Variants in NFIB observed in about 807,000 individuals in gnomAD.
NFIB encodes the protein nuclear factor 1 B-type.
NFIB carries 11 observed loss-of-function variants against 61.5 expected under a neutral mutation model. That is an observed-to-expected ratio of 0.18 (90% CI 0.11 to 0.30). The LOEUF is 0.30. Ranked by LOEUF, NFIB falls within the 10% of genes least tolerant of loss-of-function variation. NFIB has a pLI of 1.00. For synonymous variants in NFIB, 260 were observed against 216.5 expected (o/e 1.20, Z -1.76); for missense variants, 471 against 608.9 (o/e 0.77, Z 2.38).
At chr9:14,481,197 G>GTATATATATATATATATATATGTATA in the NFIB span, among the ~76,000 whole-genome samples, 8 of 45,844 alleles carry the variant, frequency 1.7e-4, no homozygotes, top group African/African-American at 7.5e-4. Flanking sequence ...GTGTGTGTGT[G>GTATATATATATATATATATATGTATA]TATATATATA....
chr9:14,188,045 G>A lies in NFIB; in HGVS notation c.563-8265C>T, dbSNP rs985348981. On this transcript the variant is annotated intron_variant, in intron 2 of 10. Coordinates refer to ENST00000380953, the MANE Select transcript of NFIB (RefSeq NM_001190737.2). Reference sequence around the variant, plus strand: ...CTTCCTACTGATCTAGGGATTGAGTGAACCAAAGGTCATAATCAGGATCAC... The same window carrying A: ...CTTCCTACTGATCTAGGGATTGAGTAAACCAAAGGTCATAATCAGGATCAC... Among the ~76,000 whole-genome samples the A allele has an allele frequency of 4.6e-5, 7 of 152,096 alleles. No individual in the cohort carries two copies. In the East Asian group the frequency reaches 1.3e-3, roughly 29 times the overall value.
At chr9:14,247,206 C>A (rs2055034933) in intron 2 of NFIB, among the ~76,000 whole-genome samples, 1 of 152,146 alleles carries the variant, frequency 6.6e-6, no homozygotes, top group Admixed American at 6.5e-5. Flanking sequence ...GGACTTATAC[C>A]ATAGTCAAGA....
chr9:14,216,546 C>CTCTGTG (rs2050942500), intron 2 of NFIB, among the ~76,000 whole-genome samples: 7 of 21,556 alleles, frequency 3.2e-4, no homozygotes, highest in East Asian at 2.2e-3. Context: ...CTCTCTCCCT[C>CTCTGTG]TGTGTGTGTG....
chr9:14,134,138 T>C (rs2040726756), intron 6 of NFIB, among the ~76,000 whole-genome samples: 2 of 152,204 alleles, frequency 1.3e-5, no homozygotes, highest in South Asian at 4.1e-4. Flanking sequence ...ATAAAGAATG[T>C]TCTATAAATT....
At chr9:14,128,378 T>C (rs909526649) in intron 6 of NFIB, among the ~76,000 whole-genome samples, 1 of 152,158 alleles carries the variant, frequency 6.6e-6, no homozygotes, top group Non-Finnish European at 1.5e-5. Context: ...ATAGAATAAA[T>C]AATAAAGCAT....
At chr9:14,231,133 AAAATATATATATATATATAT>A (rs1301321198) in intron 2 of NFIB, among the ~76,000 whole-genome samples, 1 of 67,212 alleles carries the variant, frequency 1.5e-5, no homozygotes, top group Admixed American at 1.7e-4. Flanking sequence ...AAAAAAAAAA[AAAATATATATATATATATAT>A]ATATATATAT....
intron 2 of NFIB, among the ~76,000 whole-genome samples, chr9:14,268,772 T>C (rs1460584993): frequency 2.0e-5 from 3 of 152,238 alleles, no homozygotes; most frequent in African/African-American, 7.2e-5. Context: ...CAGGGATTAC[T>C]TCATTGGTCT....
Position 14,381,073 on chromosome 9 carries a change from CAA to C in NFIB, c.108+17449_108+17450del, listed in dbSNP as rs34848529. On this transcript the variant is annotated intron_variant, in intron 1 of 8. Coordinates refer to the NFIB transcript ENST00000380934. ...TGGGCAACAGAGCGAGACTCCGTCT[CAA>C]AAAAAAAAAAAAAAAAAAAAAGATA... is the stretch of plus-strand genomic sequence containing the variant. 1.8e-3 allele frequency among the ~76,000 whole-genome samples: 152 copies of C among 82,536 alleles called. 1 individual carries two copies. The highest frequency in any genetic ancestry group is 3.4e-3 in the East Asian group (9 of 2,614). The allele number at this position is 82,536 out of a possible 152,430, so 54.1% of individuals were successfully genotyped here.
At chr9:14,471,693 T>A in the NFIB span, among the ~76,000 whole-genome samples, 1 of 152,226 alleles carries the variant, frequency 6.6e-6, no homozygotes, top group Non-Finnish European at 1.5e-5. Context: ...TAAGTCACCA[T>A]CTATTCTCTG....
chr9:14,100,041 C>A (rs117817954), intron 10 of NFIB, among the ~76,000 whole-genome samples: 606 of 152,050 alleles, frequency 4.0e-3, no homozygotes, highest in Non-Finnish European at 5.9e-3. Flanking sequence ...CCACTGCACT[C>A]CAGCCTGGGT....
intron 2 of NFIB, among the ~76,000 whole-genome samples, chr9:14,207,420 G>C (rs1462104439): frequency 6.6e-6 from 1 of 152,194 alleles, no homozygotes; most frequent in Non-Finnish European, 1.5e-5. Flanking sequence ...CTGACTGTGG[G>C]GAGTTTATGT....
intron 2 of NFIB, among the ~76,000 whole-genome samples, chr9:14,305,345 AACTTT>A (rs2059961963): frequency 6.6e-6 from 1 of 152,156 alleles, no homozygotes; most frequent in Non-Finnish European, 1.5e-5. Context: ...CACTTTTTGA[AACTTT>A]ACTTCCATCC....
chr9:14,474,949 C>T, the NFIB span, among the ~76,000 whole-genome samples: 1 of 152,178 alleles, frequency 6.6e-6, no homozygotes, highest in Non-Finnish European at 1.5e-5. Flanking sequence ...TCTATCTGGG[C>T]CCTCAATGGA....
At chr9:14,386,860 A>G (rs1425864280) in intron 1 of NFIB, among the ~76,000 whole-genome samples, 5 of 152,238 alleles carry the variant, frequency 3.3e-5, no homozygotes. Flanking sequence ...TAGGTGCTCC[A>G]TAGCAAAGGA....
intron 2 of NFIB, among the ~76,000 whole-genome samples, chr9:14,183,972 G>A (rs2047076718): frequency 6.6e-6 from 1 of 152,060 alleles, no homozygotes; most frequent in African/African-American, 2.4e-5. Context: ...TTCTTCTCCA[G>A]GTTAAAGATT....
intron 1 of NFIB, among the ~76,000 whole-genome samples, chr9:14,333,696 AC>A (rs1186648019): frequency 6.6e-6 from 1 of 152,184 alleles, no homozygotes; most frequent in Non-Finnish European, 1.5e-5. Flanking sequence ...GTGTGGTCAT[AC>A]CATTGAATAT....
rs1360828707 is a variant in NFIB at position 14,084,530 on chromosome 9, G to A, written c.*3779C>T. On this transcript the variant is annotated 3_prime_UTR_variant, in exon 11 of 11. Transcript: ENST00000380953. ...TCACTGCCTTTTATTTTTTTCCTTA[G>A]ACAAGCCTCAAATGCTCACGTCACT... The A allele has an allele frequency of 8.9e-6, 2 of 225,922 alleles. No individual in the cohort carries two copies. The highest frequency in any genetic ancestry group is 1.8e-5 in the Non-Finnish European group (2 of 113,334). 14.0% of individuals were successfully genotyped at this position (225,922 alleles called of 1,614,324 possible).
chr9:14,327,506 C>A (rs2060769706), intron 1 of NFIB, among the ~76,000 whole-genome samples: 1 of 152,136 alleles, frequency 6.6e-6, no homozygotes, highest in Non-Finnish European at 1.5e-5. Context: ...TGGGTCTGGA[C>A]CTTGGGCTGG....
At chr9:14,162,462 C>T (rs2044312283) in intron 3 of NFIB, among the ~76,000 whole-genome samples, 1 of 151,986 alleles carries the variant, frequency 6.6e-6, no homozygotes, top group Non-Finnish European at 1.5e-5. Flanking sequence ...GAAGACAGTT[C>T]TTAAATTTAC....
Sources: allele counts gnomAD v4.1 joint callset (sites outside exome capture counted in the v4.1 genomes callset), GRCh38; gene constraint gnomAD v4.1.1; transcripts MANE v1.5; gene names NCBI Gene and HGNC (gene_info 2026-07-23, HGNC 2026-07-21).